PVT1: variants seen among roughly 807,000 people sequenced by gnomAD.
The protein encoded by PVT1 is Pvt1 oncogene.
intron 3 of PVT1, among the ~76,000 whole-genome samples, chr8:127,911,909 C>A (rs1261948246): frequency 6.6e-6 from 1 of 152,220 alleles, no homozygotes; most frequent in African/African-American, 2.4e-5. Flanking sequence ...TTTAACTGAA[C>A]CTCACCACAG....
intron 4 of PVT1, among the ~76,000 whole-genome samples, chr8:128,059,952 G>A (rs761860864): frequency 6.6e-6 from 1 of 152,150 alleles, no homozygotes; most frequent in Admixed American, 6.5e-5. Context: ...ATGCACTAAT[G>A]TATGGTAGAA....
chr8:128,029,813 A>G (rs1813368540), intron 4 of PVT1, among the ~76,000 whole-genome samples: 1 of 152,114 alleles, frequency 6.6e-6, no homozygotes, highest in Admixed American at 6.5e-5. Flanking sequence ...ACAAACAAAC[A>G]AAAAAACACT....
At chr8:127,872,826 G>T (rs1815367282) in intron 2 of PVT1, among the ~76,000 whole-genome samples, 1 of 152,214 alleles carries the variant, frequency 6.6e-6, no homozygotes, top group Non-Finnish European at 1.5e-5. Flanking sequence ...GACTTTTGAT[G>T]AAATTATGTC....
rs894955117 is a variant in PVT1 at position 127,903,078 on chromosome 8, A to G, written n.782+12080A>G. ...ACAGTGTGTCAGTGTCTCCTTTTCT[A>G]CACAGGCCCACCAACATCTGTTATT... is the stretch of plus-strand genomic sequence containing the variant. On this transcript the variant is annotated intron_variant and non_coding_transcript_variant, in intron 3 of 10. Coordinates refer to ENST00000651587, the Ensembl canonical transcript of PVT1. Among the ~76,000 whole-genome samples, 6 of 152,256 alleles carry G rather than the reference A, an allele frequency of 3.9e-5. No homozygotes were observed. In the East Asian group the frequency reaches 7.7e-4, roughly 20 times the overall value.
At chr8:127,834,002 A>T (rs1042772560) in intron 2 of PVT1, among the ~76,000 whole-genome samples, 5 of 152,236 alleles carry the variant, frequency 3.3e-5, no homozygotes, top group Non-Finnish European at 7.4e-5. Flanking sequence ...ACGACCTTGT[A>T]TCTCACTTTA....
intron 2 of PVT1, among the ~76,000 whole-genome samples, chr8:127,875,283 C>T (rs1269165974): frequency 6.6e-6 from 1 of 152,002 alleles, no homozygotes; most frequent in Non-Finnish European, 1.5e-5. Flanking sequence ...ATTTCTGGAG[C>T]CATAGCAAGA....
intron 3 of PVT1, chr8:127,960,739 T>G: frequency 6.1e-6 from 3 of 489,030 alleles, no homozygotes; most frequent in South Asian, 4.8e-5. Flanking sequence ...ATAACTGTTT[T>G]CTGTTTTTTG....
intron 4 of PVT1, among the ~76,000 whole-genome samples, chr8:128,059,634 G>T (rs1813805820): frequency 6.6e-6 from 1 of 152,204 alleles, no homozygotes; most frequent in African/African-American, 2.4e-5. Flanking sequence ...GGGCAGTAAG[G>T]CCAGGTGGCC....
intron 3 of PVT1, among the ~76,000 whole-genome samples, chr8:127,914,812 T>C (rs1815961021): frequency 6.7e-6 from 1 of 148,664 alleles, no homozygotes; most frequent in African/African-American, 2.6e-5. Context: ...AAAGTTGTTG[T>C]TGGTTTTTTT....
intron 2 of PVT1, among the ~76,000 whole-genome samples, chr8:127,875,319 C>T (rs1217853984): frequency 6.6e-6 from 1 of 150,842 alleles, no homozygotes; most frequent in African/African-American, 2.4e-5. Context: ...TCCTCTCTGT[C>T]TCTGTCTCTG....
At chr8:127,912,505 T>G (rs1036073595) in intron 3 of PVT1, among the ~76,000 whole-genome samples, 2 of 152,164 alleles carry the variant, frequency 1.3e-5, no homozygotes, top group Admixed American at 1.3e-4. Context: ...CCCTCCACGA[T>G]GGAAGGGCAG....
intron 3 of PVT1, among the ~76,000 whole-genome samples, chr8:127,945,624 G>A (rs935608463): frequency 6.6e-6 from 1 of 152,158 alleles, no homozygotes; most frequent in African/African-American, 2.4e-5. Context: ...AGGAGGACAC[G>A]CTGGTCTGGT....
At chr8:127,952,050 G>A (rs1461535869) in intron 3 of PVT1, among the ~76,000 whole-genome samples, 9 of 152,064 alleles carry the variant, frequency 5.9e-5, no homozygotes, top group African/African-American at 1.7e-4. Context: ...TCCTGACCTC[G>A]TGATCTGCCT....
chr8:128,012,109 C>T (rs1817321051), intron 4 of PVT1, among the ~76,000 whole-genome samples: 1 of 152,202 alleles, frequency 6.6e-6, no homozygotes, highest in Admixed American at 6.5e-5. Flanking sequence ...AGTACATTAG[C>T]TCCCATGATT....
chr8:128,065,886 A>G (rs947987303), intron 4 of PVT1, among the ~76,000 whole-genome samples: 22 of 152,340 alleles, frequency 1.4e-4, no homozygotes, highest in African/African-American at 5.1e-4. Context: ...TCATTTCACA[A>G]ATATTTGCTG....
intron 3 of PVT1, among the ~76,000 whole-genome samples, chr8:127,913,945 C>T (rs1334683282): frequency 6.6e-6 from 1 of 152,090 alleles, no homozygotes; most frequent in Non-Finnish European, 1.5e-5. Flanking sequence ...CATGCAGAAT[C>T]CAGCAGCCCC....
chr8:128,031,997 A>G (rs1383464230), intron 4 of PVT1, among the ~76,000 whole-genome samples: 1 of 152,228 alleles, frequency 6.6e-6, no homozygotes, highest in African/African-American at 2.4e-5. Context: ...CGACGATGAC[A>G]GCGATGGCGG....
chr8:128,018,649 C>T (rs1817400562), intron 4 of PVT1, among the ~76,000 whole-genome samples: 4 of 152,162 alleles, frequency 2.6e-5, no homozygotes, highest in Admixed American at 2.0e-4. Context: ...AGCTTCAGCT[C>T]GTCTGTGACC....
intron 5 of PVT1, chr8:128,082,646 C>T (rs1179736927): frequency 1.3e-5 from 2 of 152,150 alleles, no homozygotes; most frequent in African/African-American, 4.8e-5. Context: ...GGCAAGTTAC[C>T]CAGTCTTGTT....
Sources: allele counts gnomAD v4.1 joint callset (sites outside exome capture counted in the v4.1 genomes callset), GRCh38; gene constraint gnomAD v4.1.1; transcripts MANE v1.5; gene names NCBI Gene and HGNC (gene_info 2026-07-23, HGNC 2026-07-21).